The following EBF1 variants were observed in gnomAD, a reference collection of about 807,000 sequenced individuals.
The protein encoded by EBF1 is EBF transcription factor 1.
In EBF1, 10 loss-of-function variants were observed where a neutral mutation model predicts 68.4. That is an observed-to-expected ratio of 0.15 (90% confidence interval 0.09 to 0.25). EBF1 has a LOEUF of 0.25. Among genes scored for constraint, EBF1 ranks in the 10% least tolerant of loss-of-function variants. The probability of loss-of-function intolerance (pLI) is 1.00; values close to 1 mark genes in which losing one functional copy is unlikely to be tolerated. For synonymous variants in EBF1, 298 were observed against 299.8 expected, an observed-to-expected ratio of 0.99 and a Z score of 0.06; for missense variants, 509 against 794.4, an observed-to-expected ratio of 0.64 and a Z score of 4.32.
chr5:158,872,254 C>T (rs575530193), intron 6 of EBF1, among the ~76,000 whole-genome samples: 105 of 151,574 alleles, frequency 6.9e-4, no homozygotes, highest in African/African-American at 1.5e-3. Flanking sequence ...TGGAGCCCAG[C>T]GGCATGATCT....
intron 6 of EBF1, among the ~76,000 whole-genome samples, chr5:158,909,401 A>T (rs1805403596): frequency 6.6e-6 from 1 of 152,206 alleles, no homozygotes; most frequent in Non-Finnish European, 1.5e-5. Flanking sequence ...TATGTTTAAA[A>T]ATAACCCATG....
intron 6 of EBF1, among the ~76,000 whole-genome samples, chr5:159,029,193 A>C (rs1768282916): frequency 6.6e-6 from 1 of 152,220 alleles, no homozygotes; most frequent in Admixed American, 6.5e-5. Flanking sequence ...AGAAATACTC[A>C]TGTAAGTAAA....
At chr5:158,887,777 G>A (rs2128102776) in intron 6 of EBF1, among the ~76,000 whole-genome samples, 1 of 152,070 alleles carries the variant, frequency 6.6e-6, no homozygotes, top group Admixed American at 6.5e-5. Flanking sequence ...ATTTTCTATT[G>A]CCCAGTAAGA....
intron 6 of EBF1, among the ~76,000 whole-genome samples, chr5:158,997,518 G>A (rs550467259): frequency 6.6e-6 from 1 of 152,224 alleles, no homozygotes; most frequent in South Asian, 2.1e-4. Context: ...AAATTAAGCT[G>A]CTTTAAATTC....
At chr5:159,069,822 G>T (rs1412002553) in intron 6 of EBF1, among the ~76,000 whole-genome samples, 2 of 152,104 alleles carry the variant, frequency 1.3e-5, no homozygotes, top group Non-Finnish European at 2.9e-5. Context: ...TCGTTGAAAT[G>T]GGAATAGTCT....
At chr5:158,784,424 G>C (rs968455470) in intron 9 of EBF1, among the ~76,000 whole-genome samples, 5 of 152,114 alleles carry the variant, frequency 3.3e-5, no homozygotes, top group African/African-American at 1.2e-4. Context: ...ACCTTGAAAT[G>C]AACTGGGAAC....
intron 6 of EBF1, among the ~76,000 whole-genome samples, chr5:158,912,504 T>C (rs2127368656): frequency 1.3e-5 from 2 of 152,280 alleles, no homozygotes; most frequent in South Asian, 4.1e-4. Context: ...CACCTGAGAA[T>C]ATTTAAGAAT....
intron 6 of EBF1, among the ~76,000 whole-genome samples, chr5:158,892,849 T>C (rs1801447705): frequency 6.6e-6 from 1 of 152,194 alleles, no homozygotes; most frequent in South Asian, 2.1e-4. Context: ...TATTTTTAAT[T>C]TCAAGCCATA....
At chr5:158,719,754 G>A (rs888794980) in intron 11 of EBF1, among the ~76,000 whole-genome samples, 2 of 152,022 alleles carry the variant, frequency 1.3e-5, no homozygotes, top group Admixed American at 6.6e-5. Flanking sequence ...ACCCATACAC[G>A]AACACAACAT....
intron 6 of EBF1, among the ~76,000 whole-genome samples, chr5:158,999,440 C>T (rs1310428595): frequency 6.6e-6 from 1 of 152,190 alleles, no homozygotes; most frequent in East Asian, 1.9e-4. Flanking sequence ...TTTTCTCTCT[C>T]TTGGCTAAGC....
At chr5:158,984,702 T>TC in intron 6 of EBF1, 1 of 149,240 alleles carries the variant, frequency 6.7e-6, no homozygotes, top group Non-Finnish European at 1.5e-5. Context: ...TTTTTTTTTT[T>TC]TTGAGATGGA....
intron 10 of EBF1, among the ~76,000 whole-genome samples, chr5:158,736,218 T>C (rs1765153047): frequency 6.6e-6 from 1 of 152,236 alleles, no homozygotes; most frequent in African/African-American, 2.4e-5. Flanking sequence ...AAAAATGATT[T>C]TTCTCTTTTT....
At chr5:158,791,579 CT>C (rs11388240) in intron 9 of EBF1, among the ~76,000 whole-genome samples, 2,803 of 147,908 alleles carry the variant, frequency 0.019, 47 homozygotes, top group Non-Finnish European at 0.029. Flanking sequence ...CACCATTGTA[CT>C]TTTTTTTTTA....
chr5:158,878,930 G>A (rs182606452), intron 6 of EBF1, among the ~76,000 whole-genome samples: 2 of 152,218 alleles, frequency 1.3e-5, no homozygotes, highest in East Asian at 1.9e-4. Flanking sequence ...GTACAGCTGT[G>A]AGCCACTATG....
At chr5:159,071,156 C>T (rs984640444) in intron 6 of EBF1, among the ~76,000 whole-genome samples, 4 of 152,106 alleles carry the variant, frequency 2.6e-5, no homozygotes, top group Non-Finnish European at 5.9e-5. Flanking sequence ...AACTCAGGTG[C>T]AAATAAAAAT....
At chr5:158,924,995 T>C (rs1809346890) in intron 6 of EBF1, among the ~76,000 whole-genome samples, 1 of 151,766 alleles carries the variant, frequency 6.6e-6, no homozygotes, top group Non-Finnish European at 1.5e-5. Flanking sequence ...TGCCTACTCC[T>C]CTACAGCCAT....
intron 6 of EBF1, among the ~76,000 whole-genome samples, chr5:158,938,812 G>A (rs544333291): frequency 3.1e-4 from 47 of 152,236 alleles, no homozygotes; most frequent in African/African-American, 7.0e-4. Flanking sequence ...ATATCACATC[G>A]GGGGTTGGAG....
intron 5 of EBF1, among the ~76,000 whole-genome samples, chr5:159,082,726 A>G (rs781342071): frequency 9.2e-5 from 14 of 152,210 alleles, no homozygotes; most frequent in Admixed American, 7.2e-4. Context: ...CCCCTTATAC[A>G]TCTATAGGCA....
chr5:159,025,082 C>T (rs1767441142), intron 6 of EBF1, among the ~76,000 whole-genome samples: 1 of 152,196 alleles, frequency 6.6e-6, no homozygotes, highest in Non-Finnish European at 1.5e-5. Flanking sequence ...ATCCTTTGGC[C>T]ACCAAAGCCC....
Sources: gnomAD v4.1 joint callset for allele counts (sites outside exome capture counted in the v4.1 genomes callset) on GRCh38, gnomAD v4.1.1 for gene constraint, MANE v1.5 for transcripts, NCBI Gene and HGNC (gene_info 2026-07-23, HGNC 2026-07-21) for gene names.